The following VRK2 variants were observed in gnomAD, a reference collection of about 807,000 sequenced individuals.
VRK2 encodes the protein VRK serine/threonine kinase 2, also known as serine/threonine-protein kinase VRK2.
A neutral mutation model predicts 57.6 loss-of-function variants in VRK2; 60 were observed. That is an observed-to-expected ratio of 1.04 (90% confidence interval 0.85 to 1.29). The LOEUF (loss-of-function observed/expected upper bound fraction) is 1.29. Among genes scored for constraint, VRK2 ranks in the 50% most tolerant of loss-of-function variants. The pLI is 0.00. For synonymous variants in VRK2, 231 were observed against 199.2 expected, an observed-to-expected ratio of 1.16 and a Z score of -1.35; for missense variants, 705 against 588.1, an observed-to-expected ratio of 1.20 and a Z score of -2.06.
chr2:57,916,889 G>A (rs1234826303), intron 1 of VRK2, among the ~76,000 whole-genome samples: 1 of 152,120 alleles, frequency 6.6e-6, no homozygotes, highest in African/African-American at 2.4e-5. Context: ...TGTAGAATAA[G>A]GATCATAGTA....
At chr2:58,088,470 C>T (rs1671939726) in intron 6 of VRK2, 24 bp downstream of exon 6, 3 of 1,497,002 alleles carry the variant, frequency 2.0e-6, no homozygotes, top group African/African-American at 1.4e-5. Flanking sequence ...ATTTCGCATG[C>T]TCCATTTCCA....
At chr2:57,984,430 G>A (rs1672530608) in intron 1 of VRK2, among the ~76,000 whole-genome samples, 1 of 152,018 alleles carries the variant, frequency 6.6e-6, no homozygotes, top group African/African-American at 2.4e-5. Flanking sequence ...TCCAAGAGTG[G>A]GAAATATGTC....
intron 7 of VRK2, among the ~76,000 whole-genome samples, chr2:58,099,285 A>G (rs1365027796): frequency 6.6e-6 from 1 of 152,052 alleles, no homozygotes; most frequent in African/African-American, 2.4e-5. Flanking sequence ...AACAGTTTAT[A>G]TGAAGCCTTT....
intron 12 of VRK2, 64 bp from the exon 13 acceptor site, chr2:58,159,285 A>C: frequency 7.6e-7 from 1 of 1,309,380 alleles, no homozygotes; most frequent in African/African-American, 1.5e-5. Context: ...TACACACTAC[A>C]CAAAATAAAT....
chr2:57,986,898 C>A (rs80113501), intron 1 of VRK2, among the ~76,000 whole-genome samples: 2 of 152,086 alleles, frequency 1.3e-5, no homozygotes, highest in East Asian at 3.9e-4. Context: ...CGTGCCCAGC[C>A]TCAATTGATT....
At chr2:57,916,105 A>G (rs1324188237) in intron 1 of VRK2, among the ~76,000 whole-genome samples, 2 of 151,962 alleles carry the variant, frequency 1.3e-5, no homozygotes, top group South Asian at 2.1e-4. Flanking sequence ...AAATGTTTCA[A>G]TCTTAAGAAT....
At chr2:58,039,792 A>C (rs1192201081) in intron 3 of VRK2, among the ~76,000 whole-genome samples, 1 of 152,128 alleles carries the variant, frequency 6.6e-6, no homozygotes, top group Non-Finnish European at 1.5e-5. Context: ...AATGCACTAA[A>C]ATGTTAACAG....
intron 12 of VRK2, among the ~76,000 whole-genome samples, chr2:58,148,022 A>G (rs1682430098): frequency 1.3e-5 from 2 of 151,718 alleles, no homozygotes; most frequent in African/African-American, 4.8e-5. Flanking sequence ...TCTGGCACAA[A>G]TCCTTCAATG....
At chr2:58,046,680 T>A, upstream of VRK2, 1 of 985,542 alleles carries the variant, frequency 1.0e-6, no homozygotes, top group Non-Finnish European at 1.2e-6. Flanking sequence ...GCGGCCTGTG[T>A]GAGGCTCCGC....
chr2:58,104,358 G>A (rs1033843456), intron 7 of VRK2, among the ~76,000 whole-genome samples: 9 of 151,766 alleles, frequency 5.9e-5, no homozygotes, highest in African/African-American at 2.2e-4. Context: ...AATGAATTTA[G>A]CAAAGTTTGA....
chr2:58,019,417 C>T (rs1225296875), intron 1 of VRK2, among the ~76,000 whole-genome samples: 2 of 152,062 alleles, frequency 1.3e-5, no homozygotes, highest in East Asian at 3.8e-4. Flanking sequence ...TTGATACTAG[C>T]TTTTTATAGC....
At chr2:58,100,755 CA>C (rs1298640499) in intron 7 of VRK2, among the ~76,000 whole-genome samples, 1 of 151,590 alleles carries the variant, frequency 6.6e-6, no homozygotes, top group African/African-American at 2.4e-5. Flanking sequence ...TTTTGTGGAT[CA>C]GTTCTATAAA....
chr2:58,081,998 G>A (rs1360881528), intron 2 of VRK2, among the ~76,000 whole-genome samples: 2 of 151,612 alleles, frequency 1.3e-5, no homozygotes, highest in Non-Finnish European at 2.9e-5. Context: ...AAAGACCCCC[G>A]TGGTAACCAG....
chr2:58,106,915 T>G (rs1191158927), intron 7 of VRK2, among the ~76,000 whole-genome samples: 1 of 152,078 alleles, frequency 6.6e-6, no homozygotes, highest in African/African-American at 2.4e-5. Context: ...AGCACTAGTA[T>G]CATTTGTAGG....
At chr2:57,999,717 A>G (rs1008534208) in intron 1 of VRK2, among the ~76,000 whole-genome samples, 2 of 152,228 alleles carry the variant, frequency 1.3e-5, no homozygotes, top group Admixed American at 1.3e-4. Context: ...ATTAGTTTTT[A>G]GAGTTAGTGT....
intron 1 of VRK2, among the ~76,000 whole-genome samples, chr2:57,914,564 C>A (rs979437707): frequency 6.6e-6 from 1 of 151,974 alleles, no homozygotes; most frequent in Admixed American, 6.6e-5. Context: ...CATCCTGGTG[C>A]CTCATCTCCT....
At chr2:58,116,100 C>T (rs1676429726) in intron 7 of VRK2, among the ~76,000 whole-genome samples, 2 of 151,990 alleles carry the variant, frequency 1.3e-5, no homozygotes, top group African/African-American at 2.4e-5. Flanking sequence ...TTTTAGAAGC[C>T]CATGCTGTAG....
At chr2:58,088,284 A>G in intron 5 of VRK2, 57 bp from the exon 6 acceptor site, 2 of 1,227,496 alleles carry the variant, frequency 1.6e-6, no homozygotes, top group Non-Finnish European at 2.3e-6. Flanking sequence ...AATTAAATAG[A>G]CAGTTTCAAG....
intron 1 of VRK2, among the ~76,000 whole-genome samples, chr2:57,925,397 GT>G (rs1335479470): frequency 6.6e-6 from 1 of 152,004 alleles, no homozygotes; most frequent in East Asian, 1.9e-4. Context: ...GTCTGTTCAG[GT>G]TTTGGATTTC....
Sources: gnomAD v4.1 joint callset for allele counts (sites outside exome capture counted in the v4.1 genomes callset) on GRCh38, gnomAD v4.1.1 for gene constraint, MANE v1.5 for transcripts, NCBI Gene and HGNC (gene_info 2026-07-23, HGNC 2026-07-21) for gene names.